The following SKAP1 variants were observed in gnomAD, a reference collection of about 807,000 sequenced individuals.
SKAP1 encodes src kinase associated phosphoprotein 1.
SKAP1 carries 44 observed loss-of-function variants against 58.5 expected under a neutral mutation model. The ratio of observed to expected loss-of-function variants is 0.75; its 90% CI spans 0.59 to 0.97. The LOEUF (loss-of-function observed/expected upper bound fraction) is 0.97. SKAP1 is among the 50% of genes least tolerant of loss of function. SKAP1 has a pLI of 0.00. For missense variants in SKAP1, 390 were observed against 435.2 expected (o/e 0.90, Z 0.92); for synonymous variants, 127 against 149.7 (o/e 0.85, Z 1.11).
At chr17:48,408,367 T>C (rs2067616594) in intron 1 of SKAP1, among the ~76,000 whole-genome samples, 1 of 152,210 alleles carries the variant, frequency 6.6e-6, no homozygotes, top group African/African-American at 2.4e-5. Context: ...CAAGTTTAGA[T>C]AGTTTTATAC....
intron 11 of SKAP1, among the ~76,000 whole-genome samples, chr17:48,149,481 C>T (rs879140458): frequency 6.6e-6 from 1 of 152,094 alleles, no homozygotes; most frequent in Non-Finnish European, 1.5e-5. Flanking sequence ...ATTGTTCCGG[C>T]GAGGGAAAAG....
intron 6 of SKAP1, 165 bp from the exon 7 acceptor site, chr17:48,185,012 G>A (rs904068095): frequency 1.6e-5 from 10 of 624,354 alleles, no homozygotes; most frequent in Middle Eastern, 4.4e-4. Context: ...AGGCTACTGC[G>A]ACAGTAAGGC....
At chr17:48,378,938 A>G (rs4542696) in intron 2 of SKAP1, among the ~76,000 whole-genome samples, 124,424 of 152,118 alleles carry the variant, frequency 0.82, 51,155 homozygotes, top group Non-Finnish European at 0.83. Context: ...GAGGCAGGCA[A>G]AGGGCAAGGC....
intron 4 of SKAP1, among the ~76,000 whole-genome samples, chr17:48,345,643 T>C (rs950623371): frequency 6.6e-6 from 1 of 152,218 alleles, no homozygotes; most frequent in African/African-American, 2.4e-5. Flanking sequence ...GCTACGGTTT[T>C]TATAAAAAGA....
intron 3 of SKAP1, among the ~76,000 whole-genome samples, chr17:48,346,965 A>G (rs556182063): frequency 6.6e-6 from 1 of 152,350 alleles, no homozygotes; most frequent in African/African-American, 2.4e-5. Flanking sequence ...TGGCTTTGAT[A>G]AAAGGTAATG....
intron 3 of SKAP1, among the ~76,000 whole-genome samples, chr17:48,353,519 C>A (rs1261757002): frequency 6.6e-6 from 1 of 152,110 alleles, no homozygotes. Flanking sequence ...GTCTACTATG[C>A]CCCAATTGGT....
At chr17:48,401,195 A>T (rs1274233250) in intron 1 of SKAP1, among the ~76,000 whole-genome samples, 4 of 152,020 alleles carry the variant, frequency 2.6e-5, no homozygotes, top group Non-Finnish European at 4.4e-5. Context: ...AATCCCAGCC[A>T]CTTGGGAGGC....
intron 4 of SKAP1, chr17:48,193,534 A>C (rs1386668327): frequency 5.0e-5 from 9 of 181,290 alleles, no homozygotes; most frequent in African/African-American, 1.9e-4. Context: ...CTGTGTGGTG[A>C]GTTCAATAAC....
intron 2 of SKAP1, among the ~76,000 whole-genome samples, chr17:48,383,533 T>C (rs977654879): frequency 6.6e-5 from 10 of 152,144 alleles, no homozygotes; most frequent in Non-Finnish European, 1.0e-4. Flanking sequence ...TTCATTTTCA[T>C]GTGTATGTAT....
At chr17:48,269,780 TA>T (rs1453366251) in intron 4 of SKAP1, among the ~76,000 whole-genome samples, 1 of 152,186 alleles carries the variant, frequency 6.6e-6, no homozygotes, top group Non-Finnish European at 1.5e-5. Flanking sequence ...GTGAGTTTAA[TA>T]AAGAATTTAT....
At chr17:48,194,133 C>T (rs537352423) in intron 4 of SKAP1, among the ~76,000 whole-genome samples, 1 of 152,112 alleles carries the variant, frequency 6.6e-6, no homozygotes. Flanking sequence ...TCAGAACAGC[C>T]CGTATAAAGA....
intron 4 of SKAP1, among the ~76,000 whole-genome samples, chr17:48,343,475 C>T (rs755401498): frequency 2.0e-5 from 3 of 152,170 alleles, no homozygotes; most frequent in Non-Finnish European, 4.4e-5. Context: ...AGTATCACAT[C>T]ATCTTACAAT....
At chr17:48,436,964 T>C in the SKAP1 span, among the ~76,000 whole-genome samples, 1 of 152,226 alleles carries the variant, frequency 6.6e-6, no homozygotes, top group Non-Finnish European at 1.5e-5. Flanking sequence ...ATCTTAACTG[T>C]CTGTGACTTC....
At chr17:48,275,270 A>G (rs2065684845) in intron 4 of SKAP1, among the ~76,000 whole-genome samples, 1 of 152,136 alleles carries the variant, frequency 6.6e-6, no homozygotes, top group Non-Finnish European at 1.5e-5. Context: ...ACCTCTTCTT[A>G]GTCCTTATTC....
At chr17:48,301,330 GCCCAATAT>G (rs2066053494) in intron 4 of SKAP1, among the ~76,000 whole-genome samples, 1 of 152,004 alleles carries the variant, frequency 6.6e-6, no homozygotes, top group Non-Finnish European at 1.5e-5. Context: ...CTTCCCATCA[GCCCAATAT>G]CCAACAAATT....
chr17:48,400,218 C>T (rs975844530), intron 1 of SKAP1, among the ~76,000 whole-genome samples: 3 of 151,644 alleles, frequency 2.0e-5, no homozygotes, highest in African/African-American at 7.3e-5. Context: ...CTTGCCTCAG[C>T]CTCCTGAGTA....
chr17:48,418,298 C>G (rs1290376826), intron 1 of SKAP1, among the ~76,000 whole-genome samples: 1 of 152,028 alleles, frequency 6.6e-6, no homozygotes, highest in Non-Finnish European at 1.5e-5. Flanking sequence ...TCTAAAAAAC[C>G]CCAAGAAACA....
chr17:48,363,689 A>T, intron 3 of SKAP1, 100 bp downstream of exon 3: 1 of 1,023,568 alleles, frequency 9.8e-7, no homozygotes, highest in Non-Finnish European at 1.4e-6. Flanking sequence ...GGAAATGGTT[A>T]ATGCCACTCT....
intron 4 of SKAP1, among the ~76,000 whole-genome samples, chr17:48,238,910 G>T (rs1277417520): frequency 6.6e-6 from 1 of 152,054 alleles, no homozygotes; most frequent in Non-Finnish European, 1.5e-5. Flanking sequence ...CCAAAATAAT[G>T]GTTATAAAGT....
Sources: gnomAD v4.1 joint callset for allele counts (sites outside exome capture counted in the v4.1 genomes callset) on GRCh38, gnomAD v4.1.1 for gene constraint, MANE v1.5 for transcripts, NCBI Gene and HGNC (gene_info 2026-07-23, HGNC 2026-07-21) for gene names.